Variants in DPP10 observed in about 807,000 individuals in gnomAD.
DPP10 encodes dipeptidyl peptidase like 10, also known as inactive dipeptidyl peptidase 10.
DPP10 carries 33 observed loss-of-function variants against 120.9 expected under a neutral mutation model. That is an observed-to-expected ratio of 0.27 (90% CI 0.21 to 0.37). DPP10 has a LOEUF of 0.37. DPP10 is among the 10% of genes least tolerant of loss of function. The pLI is 1.00. For synonymous variants in DPP10, 337 were observed against 326.1 expected (o/e 1.03, Z -0.36); for missense variants, 816 against 942.8 (o/e 0.87, Z 1.76).
At chr2:115,207,961 A>G (rs1252710250) in intron 1 of DPP10, among the ~76,000 whole-genome samples, 1 of 152,168 alleles carries the variant, frequency 6.6e-6, no homozygotes, top group Admixed American at 6.5e-5. Context: ...AGAGACAGTG[A>G]GTCCTAGTTA....
intron 3 of DPP10, among the ~76,000 whole-genome samples, chr2:115,417,519 A>G (rs2069538460): frequency 6.6e-6 from 1 of 152,202 alleles, no homozygotes; most frequent in Admixed American, 6.5e-5. Flanking sequence ...CCAAAGCAGT[A>G]GTCCCAGAAC....
At chr2:115,036,846 G>T (rs2175175) in intron 1 of DPP10, among the ~76,000 whole-genome samples, 38,516 of 152,042 alleles carry the variant, frequency 0.25, 5,566 homozygotes, top group Non-Finnish European at 0.32. Flanking sequence ...CATTAGAATC[G>T]AATTAAAATA....
intron 12 of DPP10, among the ~76,000 whole-genome samples, chr2:115,767,754 A>G (rs1020546997): frequency 6.6e-6 from 1 of 152,106 alleles, no homozygotes; most frequent in African/African-American, 2.4e-5. Flanking sequence ...TTTGAATTAA[A>G]TAACTTTCTA....
At chr2:115,123,245 G>A (rs1319371290) in intron 1 of DPP10, among the ~76,000 whole-genome samples, 1 of 152,162 alleles carries the variant, frequency 6.6e-6, no homozygotes, top group Non-Finnish European at 1.5e-5. Flanking sequence ...AGGAATGAAA[G>A]GAAGTCAAGT....
At chr2:114,584,468 A>T (rs189640198) in intron 1 of DPP10, among the ~76,000 whole-genome samples, 28 of 151,952 alleles carry the variant, frequency 1.8e-4, no homozygotes, top group African/African-American at 6.8e-4. Flanking sequence ...ATATGTATAC[A>T]TGTGCCATGT....
chr2:115,647,675 C>G (rs1385627240), intron 5 of DPP10, among the ~76,000 whole-genome samples: 3 of 152,060 alleles, frequency 2.0e-5, no homozygotes, highest in African/African-American at 7.2e-5. Context: ...GTTCTGGGGG[C>G]TGGGAAGTCC....
At chr2:115,587,471 A>G (rs180839141) in intron 5 of DPP10, among the ~76,000 whole-genome samples, 1 of 152,172 alleles carries the variant, frequency 6.6e-6, no homozygotes, top group African/African-American at 2.4e-5. Flanking sequence ...ATTATACAGT[A>G]TTTGTCTTTT....
chr2:115,504,837 A>G (rs2076861975), intron 4 of DPP10, among the ~76,000 whole-genome samples: 1 of 152,046 alleles, frequency 6.6e-6, no homozygotes, highest in Non-Finnish European at 1.5e-5. Flanking sequence ...ATTAGAAAGA[A>G]AATTTCTGAT....
intron 10 of DPP10, among the ~76,000 whole-genome samples, chr2:115,749,833 G>A (rs1033565253): frequency 6.6e-5 from 10 of 152,144 alleles, no homozygotes; most frequent in Admixed American, 2.0e-4. Flanking sequence ...ATGAAAACAC[G>A]GTGTAACTGC....
chr2:115,617,840 G>A (rs1409740187), intron 5 of DPP10, among the ~76,000 whole-genome samples: 3 of 151,992 alleles, frequency 2.0e-5, no homozygotes, highest in Admixed American at 1.3e-4. Flanking sequence ...TAAAATTTAA[G>A]ATATAAATTA....
intron 1 of DPP10, among the ~76,000 whole-genome samples, chr2:114,620,855 T>C (rs977126944): frequency 4.6e-5 from 7 of 152,268 alleles, no homozygotes; most frequent in African/African-American, 1.7e-4. Context: ...CTAAGATATC[T>C]GTGTATAGCT....
intron 3 of DPP10, among the ~76,000 whole-genome samples, chr2:115,367,587 A>G (rs1262822287): frequency 5.3e-5 from 8 of 152,070 alleles, no homozygotes; most frequent in African/African-American, 1.9e-4. Flanking sequence ...AAGTGTTTCA[A>G]ATTATTAAAA....
chr2:114,484,008 C>T (rs183359785), intron 1 of DPP10, among the ~76,000 whole-genome samples: 91 of 152,158 alleles, frequency 6.0e-4, no homozygotes, highest in African/African-American at 1.9e-3. Flanking sequence ...CTTTTGAGTC[C>T]GAGCCCTTTG....
At chr2:114,519,158 C>T (rs1684846102) in intron 1 of DPP10, among the ~76,000 whole-genome samples, 1 of 152,198 alleles carries the variant, frequency 6.6e-6, no homozygotes, top group Non-Finnish European at 1.5e-5. Context: ...CATTTCTATA[C>T]ATGTGGCAGG....
chr2:115,565,312 A>G (rs993109218), intron 5 of DPP10, among the ~76,000 whole-genome samples: 15 of 152,238 alleles, frequency 9.9e-5, no homozygotes, highest in African/African-American at 3.6e-4. Flanking sequence ...TTTTATGTAC[A>G]TACACATTTA....
intron 5 of DPP10, among the ~76,000 whole-genome samples, chr2:115,659,539 G>A (rs2088717013): frequency 6.6e-6 from 1 of 152,060 alleles, no homozygotes; most frequent in African/African-American, 2.4e-5. Context: ...GAAATAAAAT[G>A]TGTTTGTTGT....
intron 1 of DPP10, among the ~76,000 whole-genome samples, chr2:114,595,172 A>G (rs1020847286): frequency 2.0e-5 from 3 of 151,782 alleles, no homozygotes; most frequent in African/African-American, 7.3e-5. Context: ...TGAATTCACC[A>G]CTCTTGCTGG....
chr2:115,141,354 G>A (rs1439389696), intron 1 of DPP10, among the ~76,000 whole-genome samples: 2 of 152,244 alleles, frequency 1.3e-5, no homozygotes, highest in Non-Finnish European at 2.9e-5. Context: ...TCCAGACACC[G>A]TGCATGCCGC....
At chr2:114,521,869 G>A (rs989639051) in intron 1 of DPP10, among the ~76,000 whole-genome samples, 1 of 147,750 alleles carries the variant, frequency 6.8e-6, no homozygotes, top group Non-Finnish European at 1.5e-5. Flanking sequence ...GTGCAGTGGC[G>A]CAATCTCGGC....
Sources: gnomAD v4.1 joint callset for allele counts (sites outside exome capture counted in the v4.1 genomes callset) on GRCh38, gnomAD v4.1.1 for gene constraint, MANE v1.5 for transcripts, NCBI Gene and HGNC (gene_info 2026-07-23, HGNC 2026-07-21) for gene names.